The following MACF1 variants were observed in gnomAD, a reference collection of about 807,000 sequenced individuals.
MACF1 encodes the protein microtubule-actin cross-linking factor 1.
A neutral mutation model predicts 854.8 loss-of-function variants in MACF1; 193 were observed. That is an observed-to-expected ratio of 0.23 (90% confidence interval 0.20 to 0.25). The LOEUF is 0.25. Ranked by LOEUF, MACF1 falls within the 10% of genes least tolerant of loss-of-function variation. The pLI is 1.00. For synonymous variants in MACF1, 3,185 were observed against 3,226.7 expected, an observed-to-expected ratio of 0.99 and a Z score of 0.44; for missense variants, 7,722 against 8,929.1, an observed-to-expected ratio of 0.86 and a Z score of 5.45.
At chr1:39,288,988 A>G (rs1034895637) in intron 15 of MACF1, among the ~76,000 whole-genome samples, 2 of 152,122 alleles carry the variant, frequency 1.3e-5, no homozygotes, top group Non-Finnish European at 2.9e-5. Context: ...GAGAACATGC[A>G]TTGTTTGTCT....
intron 2 of MACF1, among the ~76,000 whole-genome samples, chr1:39,171,611 G>A (rs1643950205): frequency 6.6e-6 from 1 of 152,082 alleles, no homozygotes; most frequent in African/African-American, 2.4e-5. Flanking sequence ...GATTTTTTAA[G>A]TGTTTCGTTA....
intron 58 of MACF1, chr1:39,411,090 G>A (rs1216967743): frequency 1.9e-6 from 3 of 1,613,530 alleles, no homozygotes; most frequent in Non-Finnish European, 1.7e-6. Flanking sequence ...GTGAGAAGCA[G>A]CACCCCCTTG....
chr1:39,458,638 T>A, intron 90 of MACF1, 148 bp downstream of exon 90: 1 of 1,001,222 alleles, frequency 1.0e-6, no homozygotes, highest in Non-Finnish European at 1.4e-6. Flanking sequence ...AAACTCACTT[T>A]TCTTACATTG....
At position 39,338,154 on chromosome 1, in the gene MACF1, C is replaced by A. The variant is rs138645041; in HGVS notation, c.10215+823C>A. Reference sequence around the variant, plus strand: ...TGGTTAGGAAACTATTGCAGTAATTCAAGCAAGAAATGTTGGAGGCTTAAA... The same window carrying A: ...TGGTTAGGAAACTATTGCAGTAATTAAAGCAAGAAATGTTGGAGGCTTAAA... On this transcript the variant is annotated intron_variant, in intron 38 of 100. Coordinates refer to ENST00000564288, the MANE Select transcript of MACF1 (RefSeq NM_001394062.1). Among the ~76,000 whole-genome samples, 971 of 152,166 alleles carry A rather than the reference C, an allele frequency of 6.4e-3. 10 individuals carry two copies. The highest frequency in any genetic ancestry group is 0.022 in the African/African-American group (921 of 41,498).
intron 2 of MACF1, among the ~76,000 whole-genome samples, chr1:39,122,347 T>A (rs545224361): frequency 6.6e-6 from 1 of 151,476 alleles, no homozygotes; most frequent in African/African-American, 2.4e-5. Context: ...CTCTGCCTCC[T>A]GGATTCAAGC....
intron 91 of MACF1, chr1:39,459,737 A>C: frequency 1.0e-6 from 1 of 971,414 alleles, no homozygotes; most frequent in South Asian, 1.5e-5. Flanking sequence ...TACCCAGTAT[A>C]AAAAATATAG....
intron 51 of MACF1, among the ~76,000 whole-genome samples, chr1:39,371,971 G>A (rs904418687): frequency 6.6e-6 from 1 of 150,952 alleles, no homozygotes; most frequent in South Asian, 2.1e-4. Flanking sequence ...CTGCCACCAC[G>A]CCCGGCTAAT....
Position 39,273,131 on chromosome 1 carries a change from ATT to A in MACF1, c.529-9055_529-9054del, listed in dbSNP as rs561821846. Among the ~76,000 whole-genome samples the A allele has an allele frequency of 4.1e-3, 489 of 120,404 alleles. 1 individual carries two copies. Among genetic ancestry groups the A allele is most frequent in the East Asian group, 0.036 (155 of 4,250 alleles). 79.0% of individuals were successfully genotyped at this position (120,404 alleles called of 152,430 possible). On this transcript the variant is annotated intron_variant, in intron 6 of 100. Transcript: ENST00000564288. The stretch of plus-strand genomic sequence containing the variant: ...TAATGAAGCATTTACCTCTATACCA[ATT>A]TTTTTTTTTTTTTTTTTTTTTGACA...
At chr1:39,350,023 G>A (rs571974616) in intron 42 of MACF1, among the ~76,000 whole-genome samples, 8 of 152,198 alleles carry the variant, frequency 5.3e-5, no homozygotes, top group African/African-American at 9.7e-5. Flanking sequence ...GAAGCACACA[G>A]TCTAGCAGGG....
Position 39,380,341 on chromosome 1 carries a change from C to A in MACF1, c.13616C>A (p.Ala4539Glu), listed in dbSNP as rs1415183637. ...GTGACATATCCCAACTCACAGGAAGCAGAAAATTGGAAGAAAATTCAGGAA... is the reference window on the plus strand; with the variant it reads ...GTGACATATCCCAACTCACAGGAAGAAGAAAATTGGAAGAAAATTCAGGAA... ...LLVTYPNSQE[A>E]ENWKKIQEEL... is the part of the protein sequence containing the mutation. The change falls in exon 55 of 101, where the codon GCA becomes GAA. Residue 4539 changes from alanine (A) to glutamate (E), a missense_variant. Transcript: ENST00000564288. 5.6e-6 allele frequency: 9 copies of A among 1,613,148 alleles called. No individual in the cohort carries two copies. The highest frequency in any genetic ancestry group is 7.6e-6 in the Non-Finnish European group (9 of 1,179,630).
In MACF1 at chr1:39,319,716, A is replaced by C. The variant is rs1646477052; in HGVS notation, c.3998A>C (p.Lys1333Thr). The change falls in exon 31 of 101, where the codon AAA becomes ACA. Residue 1333 changes from lysine (K) to threonine (T), a missense_variant. Around this residue, in one of 15 missense-constraint regions of MACF1, gnomAD observed 1,137 missense variants for 1,263.0 expected, o/e 0.90. Coordinates refer to ENST00000564288, the MANE Select transcript of MACF1 (RefSeq NM_001394062.1). ...RNQTKLDQCQ[K>T]FSQQYSTIVK... Reference sequence around the variant, plus strand: ...CAGACAAAACTGGATCAATGTCAAAAATTTTCCCAGCAGTACTCTACTATT... The same window carrying C: ...CAGACAAAACTGGATCAATGTCAAACATTTTCCCAGCAGTACTCTACTATT... 2 of 1,613,766 alleles carry C rather than the reference A, an allele frequency of 1.2e-6. No individual in the cohort carries two copies. The highest frequency in any genetic ancestry group is 2.7e-5 in the African/African-American group (2 of 75,018).
At chr1:39,441,890 A>G in intron 74 of MACF1, 62 bp from the exon 75 acceptor site, 1 of 1,212,276 alleles carries the variant, frequency 8.2e-7, no homozygotes, top group Non-Finnish European at 1.2e-6. Flanking sequence ...AGCAGAGATA[A>G]TGCTAATTCT....
intron 58 of MACF1, chr1:39,411,788 G>C: frequency 6.2e-7 from 1 of 1,613,832 alleles, no homozygotes; most frequent in Non-Finnish European, 8.5e-7. Flanking sequence ...CTCGTAATTA[G>C]TCATTTTTCA....
At position 39,483,235 on chromosome 1, in the gene MACF1, T is replaced by C. The variant is rs191131854; in HGVS notation, c.22282-1366T>C. Among the ~76,000 whole-genome samples, 4 of 152,314 alleles carry C rather than the reference T, an allele frequency of 2.6e-5. No homozygotes were observed. The East Asian group carries it at 5.8e-4, about 22-fold the overall frequency. On this transcript the variant is annotated intron_variant, in intron 99 of 100. Transcript: ENST00000564288. Reference sequence around the variant, plus strand: ...AGCAGTGATAATAATATGTAGCTCTTTTCCAGTTTGGGAAATGCTTCTATT... The same window carrying C: ...AGCAGTGATAATAATATGTAGCTCTCTTCCAGTTTGGGAAATGCTTCTATT...
chr1:39,269,771 C>G (rs1020068461), intron 6 of MACF1: 2 of 1,234,850 alleles, frequency 1.6e-6, no homozygotes, highest in African/African-American at 3.1e-5. Flanking sequence ...GATTCTTGGC[C>G]CTCAAACATA....
intron 6 of MACF1, among the ~76,000 whole-genome samples, chr1:39,276,602 G>T (rs1022446629): frequency 6.6e-6 from 1 of 152,054 alleles, no homozygotes; most frequent in Non-Finnish European, 1.5e-5. Flanking sequence ...CACCTGTTCT[G>T]TAACACCCTT....
Position 39,336,010 on chromosome 1 carries a change from G to T in MACF1, c.9422G>T (p.Arg3141Ile). Residue 3141 changes from arginine (R) to isoleucine (I), a missense_variant, in exon 37 of 101, where the codon AGA becomes ATA. By Grantham distance (97) the Arg-to-Ile change is moderately conservative. Around this residue, in one of 15 missense-constraint regions of MACF1, gnomAD observed 854 missense variants for 852.6 expected, o/e 1.00. Coordinates refer to ENST00000564288, the MANE Select transcript of MACF1 (RefSeq NM_001394062.1). ...GACAAGTCTTTCCAAGGAACCACCA[G>T]ACAGGAGACCAACTATCAAGATTCC... ...KTDKSFQGTT[R>I]QETNYQDSWV... 1.9e-6 allele frequency: 3 copies of T among 1,614,110 alleles called. No individual in the cohort carries two copies. Among genetic ancestry groups the T allele is most frequent in the Non-Finnish European group, 2.5e-6 (3 of 1,180,010 alleles).
intron 2 of MACF1, among the ~76,000 whole-genome samples, chr1:39,239,280 CAAAA>C (rs1189280597): frequency 3.0e-4 from 33 of 111,774 alleles, no homozygotes; most frequent in African/African-American, 5.9e-4. Context: ...GACTCTGTCT[CAAAA>C]AAACAAACAA....
At chr1:39,461,684 C>G (rs1644557134) in intron 92 of MACF1, among the ~76,000 whole-genome samples, 199 bp from the exon 93 acceptor site, 1 of 150,328 alleles carries the variant, frequency 6.7e-6, no homozygotes, top group African/African-American at 2.5e-5. Flanking sequence ...CCCAGCTACT[C>G]TGGAAGCTGA....
Sources: allele counts gnomAD v4.1 joint callset (sites outside exome capture counted in the v4.1 genomes callset), GRCh38; gene constraint gnomAD v4.1.1; regional missense constraint gnomAD v4.1.1; transcripts MANE v1.5; gene names NCBI Gene and HGNC (gene_info 2026-07-23, HGNC 2026-07-21).